DOCK3: variants seen among roughly 807,000 people sequenced by gnomAD.
DOCK3 encodes the protein dedicator of cytokinesis protein 3.
In DOCK3, 60 loss-of-function variants were observed where a neutral mutation model predicts 265.6. That is an observed-to-expected ratio of 0.23 (90% CI 0.18 to 0.28). The LOEUF is 0.28. Ranked by LOEUF, DOCK3 falls within the 10% of genes least tolerant of loss-of-function variation. The probability of loss-of-function intolerance (pLI) is 1.00; values close to 1 mark genes in which losing one functional copy is unlikely to be tolerated. For missense variants in DOCK3, 1,981 were observed against 2,594.3 expected (o/e 0.76, Z 5.14); for synonymous variants, 881 against 938.0 (o/e 0.94, Z 1.11).
chr3:50,811,937 A>G (rs9869945), intron 2 of DOCK3, among the ~76,000 whole-genome samples: 116,757 of 152,168 alleles, frequency 0.77, 45,749 homozygotes, highest in Middle Eastern at 0.88. Context: ...GCAGAAATCA[A>G]CTGCTACCTG....
rs140188413 is a variant in DOCK3, at chr3:50,821,222, G to A, written c.122-20453G>A. Among the ~76,000 whole-genome samples, 233 of 136,722 alleles carry A rather than the reference G, an allele frequency of 1.7e-3. 2 individuals are homozygous for A. The highest frequency in any genetic ancestry group is 6.0e-3 in the African/African-American group (219 of 36,254). 89.7% of individuals were successfully genotyped at this position (136,722 alleles called of 152,430 possible). On this transcript the variant is annotated intron_variant, in intron 2 of 52. Transcript: ENST00000266037. The stretch of plus-strand genomic sequence containing the variant: ...CTTGTCAATTGTTTTTGTTGCAGTT[G>A]CTTTGGAGACTTAGCCACAGGTTGT...
chr3:51,285,626 A>T (rs1180337115), intron 27 of DOCK3, among the ~76,000 whole-genome samples: 1 of 151,866 alleles, frequency 6.6e-6, no homozygotes, highest in Non-Finnish European at 1.5e-5. Flanking sequence ...AGGTACAAAA[A>T]GAAAAGAAAT....
chr3:51,019,122 T>G (rs942312736), intron 5 of DOCK3, among the ~76,000 whole-genome samples: 4 of 151,910 alleles, frequency 2.6e-5, no homozygotes, highest in Non-Finnish European at 5.9e-5. Flanking sequence ...CACAAATTCT[T>G]ATGTTTAATG....
chr3:50,978,843 T>C (rs2077579471), intron 5 of DOCK3, among the ~76,000 whole-genome samples: 1 of 152,316 alleles, frequency 6.6e-6, no homozygotes, highest in South Asian at 2.1e-4. Flanking sequence ...GATATAATCT[T>C]GTGGTGTGCC....
intron 19 of DOCK3, 90 bp from the exon 20 acceptor site, chr3:51,236,253 CTT>C: frequency 3.0e-6 from 3 of 998,272 alleles, no homozygotes; most frequent in Non-Finnish European, 4.7e-6. Flanking sequence ...AGATCTTTCA[CTT>C]TTTTATTGGA....
chr3:51,223,176 T>G (rs1051755110), intron 14 of DOCK3, among the ~76,000 whole-genome samples: 30 of 152,346 alleles, frequency 2.0e-4, no homozygotes, highest in African/African-American at 7.0e-4. Flanking sequence ...CCTCAAACAA[T>G]GTGCTCACTT....
intron 2 of DOCK3, among the ~76,000 whole-genome samples, chr3:50,788,771 A>C (rs2042313395): frequency 1.7e-5 from 1 of 60,466 alleles, no homozygotes; most frequent in Non-Finnish European, 3.2e-5. Flanking sequence ...GGAGGGTGGC[A>C]GGGTGGGCAG....
rs968508775 is a variant in DOCK3 at position 50,889,460 on chromosome 3, G to T, written c.163-566G>T. 2.7e-4 allele frequency among the ~76,000 whole-genome samples: 38 copies of T among 140,060 alleles called. 1 individual carries two copies. Among genetic ancestry groups the T allele is most frequent in the African/African-American group, 7.0e-4 (27 of 38,352 alleles). The allele number at this position is 140,060 out of a possible 152,430, so 91.9% of individuals were successfully genotyped here. A position where few individuals can be genotyped will look rare whatever the true frequency, so the allele number is the denominator to read the frequency against. Reference sequence around the variant, plus strand: ...AAACATTGATTGGAAAACTGATGTGGTTTTTTTTTTTTTTTAAATACGCTA... The same window carrying T: ...AAACATTGATTGGAAAACTGATGTGTTTTTTTTTTTTTTTTAAATACGCTA... On this transcript the variant is annotated intron_variant, in intron 3 of 52. Coordinates refer to ENST00000266037, the MANE Select transcript of DOCK3 (RefSeq NM_004947.5).
chr3:50,802,567 A>AT (rs1217812506), intron 2 of DOCK3, among the ~76,000 whole-genome samples: 1 of 151,438 alleles, frequency 6.6e-6, no homozygotes, highest in Admixed American at 6.6e-5. Flanking sequence ...TTTAATTTTT[A>AT]TTTTTTCTTT....
chr3:51,360,961 T>G (rs1006910431), intron 47 of DOCK3, among the ~76,000 whole-genome samples: 1 of 152,112 alleles, frequency 6.6e-6, no homozygotes, highest in Non-Finnish European at 1.5e-5. Flanking sequence ...CCTCAAGATA[T>G]GAACAAGCCA....
chr3:51,324,048 C>G (rs1447036736), intron 32 of DOCK3, among the ~76,000 whole-genome samples: 3 of 152,208 alleles, frequency 2.0e-5, no homozygotes, highest in African/African-American at 7.2e-5. Flanking sequence ...CACTCCTATT[C>G]AACGTAGTAT....
chr3:51,219,392 C>T (rs1392720350), intron 14 of DOCK3, among the ~76,000 whole-genome samples: 1 of 152,116 alleles, frequency 6.6e-6, no homozygotes, highest in Non-Finnish European at 1.5e-5. Context: ...GTATCATGTA[C>T]ATATTAATAA....
In DOCK3 at chr3:51,159,345, C is replaced by G. The variant is rs1050972308; in HGVS notation, c.889+41C>G. 3.2e-6 allele frequency: 5 copies of G among 1,575,816 alleles called. No individual in the cohort carries two copies. The African/African-American group carries it at 6.7e-5, about 21-fold the overall frequency. ...CCCATTCACATGACTAAGAATGGCCCAACTTGGGATAAGTATGTCTTGTGC... is the reference window on the plus strand; with the variant it reads ...CCCATTCACATGACTAAGAATGGCCGAACTTGGGATAAGTATGTCTTGTGC... On this transcript the variant is annotated intron_variant, in intron 11 of 52. Transcript: ENST00000266037.
At chr3:51,051,784 T>A (rs991827294) in intron 5 of DOCK3, among the ~76,000 whole-genome samples, 1 of 152,116 alleles carries the variant, frequency 6.6e-6, no homozygotes, top group Non-Finnish European at 1.5e-5. Context: ...TTTCTCAGCT[T>A]CTGGGGAGGC....
Position 50,685,120 on chromosome 3 carries a change from A to G in DOCK3, c.37+9820A>G, listed in dbSNP as rs756487918. 7.9e-5 allele frequency among the ~76,000 whole-genome samples: 12 copies of G among 152,096 alleles called. No individual in the cohort carries two copies. The South Asian group carries it at 1.2e-3, about 16-fold the overall frequency. ...TATAATCTACTTTTATTTTAAATCT[A>G]TTATACTTTGAACATGTTCTAATAT... On this transcript the variant is annotated intron_variant, in intron 1 of 52. Coordinates refer to ENST00000266037, the MANE Select transcript of DOCK3 (RefSeq NM_004947.5).
chr3:51,275,248 T>A (rs765893885), intron 25 of DOCK3, 42 bp downstream of exon 25: 1 of 1,610,872 alleles, frequency 6.2e-7, no homozygotes, highest in Admixed American at 1.7e-5. Context: ...AGCTCTTCCC[T>A]AGTCTTGTGT....
At chr3:51,036,220 A>G (rs985162992) in intron 5 of DOCK3, among the ~76,000 whole-genome samples, 10 of 152,172 alleles carry the variant, frequency 6.6e-5, no homozygotes, top group Middle Eastern at 3.2e-3. Context: ...GCTGTCATTT[A>G]TAGGAGGATC....
At chr3:50,693,178 C>A (rs1459683572) in intron 1 of DOCK3, among the ~76,000 whole-genome samples, 1 of 152,116 alleles carries the variant, frequency 6.6e-6, no homozygotes, top group African/African-American at 2.4e-5. Flanking sequence ...CAACTTTGTT[C>A]TAATTTTCCA....
chr3:51,044,653 A>T (rs189870650), intron 5 of DOCK3, among the ~76,000 whole-genome samples: 1 of 151,700 alleles, frequency 6.6e-6, no homozygotes, highest in East Asian at 1.9e-4. Flanking sequence ...TTCCAGTAGA[A>T]GGCTGTTTTG....
Sources: allele counts gnomAD v4.1 joint callset (sites outside exome capture counted in the v4.1 genomes callset), GRCh38; gene constraint gnomAD v4.1.1; transcripts MANE v1.5; gene names NCBI Gene and HGNC (gene_info 2026-07-23, HGNC 2026-07-21).